The following LHPP variants were observed in gnomAD, a reference collection of about 807,000 sequenced individuals.
LHPP encodes the protein phospholysine phosphohistidine inorganic pyrophosphate phosphatase, also known as hLHPP.
LHPP carries 24 observed loss-of-function variants against 30.3 expected under a neutral mutation model. The observed-to-expected ratio is 0.79, with a 90% CI of 0.57 to 1.11. LHPP has a LOEUF of 1.11. Among genes scored for constraint, LHPP ranks in the 50% most tolerant of loss-of-function variants. LHPP has a pLI of 0.00. For missense variants in LHPP, 356 were observed against 367.2 expected (o/e 0.97, Z 0.25); for synonymous variants, 150 against 157.1 (o/e 0.95, Z 0.34).
At chr10:124,537,162 C>T (rs949024904) in intron 6 of LHPP, among the ~76,000 whole-genome samples, 13 of 152,238 alleles carry the variant, frequency 8.5e-5, no homozygotes, top group Non-Finnish European at 1.8e-4. Flanking sequence ...CAACCTGGTG[C>T]ACCCGGAGCC....
At chr10:124,560,718 G>A (rs1484516454) in intron 6 of LHPP, among the ~76,000 whole-genome samples, 9 of 152,200 alleles carry the variant, frequency 5.9e-5, no homozygotes, top group African/African-American at 2.2e-4. Context: ...ACTACAGAGG[G>A]GCCTGGGGTT....
At chr10:124,558,521 C>A (rs1948340152) in intron 6 of LHPP, among the ~76,000 whole-genome samples, 1 of 152,204 alleles carries the variant, frequency 6.6e-6, no homozygotes, top group Non-Finnish European at 1.5e-5. Context: ...AGAGTGTGTG[C>A]CCTTGTGTCG....
chr10:124,583,897 A>G (rs939705095), intron 6 of LHPP, among the ~76,000 whole-genome samples: 2 of 152,250 alleles, frequency 1.3e-5, no homozygotes, highest in Non-Finnish European at 2.9e-5. Flanking sequence ...TGCATTGATC[A>G]CTGACATGAT....
At chr10:124,609,969 C>T (rs1004123326) in intron 6 of LHPP, among the ~76,000 whole-genome samples, 7 of 152,176 alleles carry the variant, frequency 4.6e-5, no homozygotes, top group African/African-American at 9.7e-5. Context: ...CTTTGGTGAA[C>T]GTGCCTTTGG....
intron 6 of LHPP, among the ~76,000 whole-genome samples, chr10:124,600,096 G>A (rs1031068947): frequency 7.2e-5 from 11 of 152,192 alleles, no homozygotes; most frequent in Admixed American, 3.9e-4. Context: ...GCTCGGGAGC[G>A]GGGAGAGGGG....
intron 6 of LHPP, among the ~76,000 whole-genome samples, chr10:124,572,534 G>C (rs1299923666): frequency 6.6e-6 from 1 of 152,016 alleles, no homozygotes; most frequent in African/African-American, 2.4e-5. Flanking sequence ...GGGAGGCTGA[G>C]GCAGGAGAAT....
At chr10:124,515,719 T>C (rs1954433675) in intron 5 of LHPP, among the ~76,000 whole-genome samples, 1 of 152,252 alleles carries the variant, frequency 6.6e-6, no homozygotes. Context: ...GAATCATTCC[T>C]CATAGTGAAG....
intron 3 of LHPP, among the ~76,000 whole-genome samples, chr10:124,495,074 A>G (rs1317725586): frequency 1.3e-5 from 2 of 152,228 alleles, no homozygotes; most frequent in East Asian, 3.8e-4. Context: ...AAAAAGCAGT[A>G]CTTTTTTAGG....
At chr10:124,551,917 C>T (rs914118350) in intron 6 of LHPP, among the ~76,000 whole-genome samples, 1 of 152,040 alleles carries the variant, frequency 6.6e-6, no homozygotes, top group Non-Finnish European at 1.5e-5. Context: ...CAGTGCTTTT[C>T]CACCAGGGAC....
intron 1 of LHPP, among the ~76,000 whole-genome samples, chr10:124,481,229 G>A (rs1014600328): frequency 2.0e-5 from 3 of 152,086 alleles, no homozygotes; most frequent in East Asian, 3.9e-4. Flanking sequence ...GAGACAGGGC[G>A]GAGGCAATGG....
At chr10:124,475,046 G>A (rs1952899641) in intron 1 of LHPP, among the ~76,000 whole-genome samples, 1 of 1,918 alleles carries the variant, frequency 5.2e-4, no homozygotes, top group Admixed American at 3.7e-3. Context: ...TTTTTGAAAT[G>A]GAGTCTCGCT....
intron 1 of LHPP, among the ~76,000 whole-genome samples, chr10:124,483,904 G>A (rs1953228297): frequency 6.6e-6 from 1 of 152,104 alleles, no homozygotes; most frequent in African/African-American, 2.4e-5. Context: ...GTCCAGTGAG[G>A]ATGGAAAAGA....
At chr10:124,536,538 G>A (rs781177915) in intron 6 of LHPP, among the ~76,000 whole-genome samples, 17 of 152,212 alleles carry the variant, frequency 1.1e-4, no homozygotes, top group Non-Finnish European at 2.4e-4. Flanking sequence ...GCTCCAGGGA[G>A]GCCAAGCTGC....
Position 124,596,009 on chromosome 10 carries a change from G to A in LHPP, c.717-17255G>A, listed in dbSNP as rs373394881. On this transcript the variant is annotated intron_variant, in intron 6 of 6. Coordinates refer to ENST00000368842, the MANE Select transcript of LHPP (RefSeq NM_022126.4). This position sits in a 1 kb window ranked among gnomAD's most constrained non-coding sequence, Gnocchi z 4.6. ...CCTTCACCCCCGTCTTCTGCCTGAC[G>A]GTAAACTTGAGGTGAATGGGCTCCT... 3.3e-5 allele frequency among the ~76,000 whole-genome samples: 5 copies of A among 152,080 alleles called. No homozygotes were observed. The highest frequency in any genetic ancestry group is 4.4e-5 in the Non-Finnish European group (3 of 68,038).
intron 6 of LHPP, among the ~76,000 whole-genome samples, chr10:124,583,059 G>A (rs986843314): frequency 4.6e-5 from 7 of 152,072 alleles, no homozygotes; most frequent in Admixed American, 3.3e-4. Flanking sequence ...CAGTTGTTAA[G>A]GGTCAACTGT....
chr10:124,559,313 C>T (rs1443747141), intron 6 of LHPP, among the ~76,000 whole-genome samples: 1 of 152,218 alleles, frequency 6.6e-6, no homozygotes, highest in Admixed American at 6.5e-5. Context: ...ATTGGAAGTG[C>T]CCTTTCTTTT....
intron 1 of LHPP, among the ~76,000 whole-genome samples, chr10:124,473,799 A>G (rs993155747): frequency 3.3e-5 from 5 of 152,040 alleles, no homozygotes; most frequent in Admixed American, 3.3e-4. Context: ...TAAAAATATA[A>G]AAAAATTAGC....
At chr10:124,498,824 C>T (rs964747823) in intron 5 of LHPP, 3 of 378,348 alleles carry the variant, frequency 7.9e-6, no homozygotes, top group South Asian at 1.8e-5. Flanking sequence ...AGGCCCCCCC[C>T]CCGCCAACCC....
Position 124,535,877 on chromosome 10 carries a change from A to G in LHPP, c.716+18606A>G, listed in dbSNP as rs369262800. Among the ~76,000 whole-genome samples the G allele has an allele frequency of 1.3e-4, 20 of 152,348 alleles. No individual in the cohort carries two copies. The East Asian group carries it at 3.1e-3, about 24-fold the overall frequency. ...AGGCTCCTCAGGCCGTGGGCCCCTG[A>G]GCACCAGTTCTGCTCTGCTCCCTCA... is the stretch of plus-strand genomic sequence containing the variant. On this transcript the variant is annotated intron_variant, in intron 6 of 6. Transcript: ENST00000368842.
Sources: gnomAD v4.1 joint callset for allele counts (sites outside exome capture counted in the v4.1 genomes callset) on GRCh38, gnomAD v4.1.1 for gene constraint, Gnocchi (gnomAD v3.1) non-coding constraint, MANE v1.5 for transcripts, NCBI Gene and HGNC (gene_info 2026-07-23, HGNC 2026-07-21) for gene names.